The following ACO1 variants were observed in gnomAD, a reference collection of about 807,000 sequenced individuals.
ACO1 encodes aconitase 1.
Under a neutral mutation model 105.1 loss-of-function variants are expected in ACO1, and 78 were observed. That is an observed-to-expected ratio of 0.74 (90% confidence interval 0.62 to 0.90). The LOEUF is 0.90. ACO1 is among the 40% of genes least tolerant of loss of function. ACO1 has a pLI of 0.00. For synonymous variants in ACO1, 364 were observed against 397.4 expected, an observed-to-expected ratio of 0.92 and a Z score of 1.00; for missense variants, 965 against 1,111.1, an observed-to-expected ratio of 0.87 and a Z score of 1.87.
intron 4 of ACO1, among the ~76,000 whole-genome samples, chr9:32,410,593 G>GAA (rs1242218103): frequency 6.6e-6 from 1 of 150,586 alleles, no homozygotes; most frequent in Non-Finnish European, 1.5e-5. Context: ...AGTTAAACTT[G>GAA]AAAAAAAAAG....
chr9:32,450,639 G>GAATC lies in ACO1; in HGVS notation c.*530_*533dup, dbSNP rs1437571771. On this transcript the variant is annotated 3_prime_UTR_variant, in exon 21 of 21. Transcript: ENST00000309951. Reference sequence around the variant, plus strand: ...CTTCTCTCCCCTTTTCCTTCAGAGTGAATCATCCAGACTCCTCATGGATAG... The same window carrying GAATC: ...CTTCTCTCCCCTTTTCCTTCAGAGTGAATCAATCATCCAGACTCCTCATGGATAG... 6.2e-6 allele frequency: 1 copy of GAATC among 161,714 alleles called. No homozygotes were observed. The highest frequency in any genetic ancestry group is 1.8e-4 in the East Asian group (1 of 5,528). The allele number at this position is 161,714 out of a possible 1,614,324, so 10.0% of individuals were successfully genotyped here.
chr9:32,398,471 A>G (rs1288420905), intron 1 of ACO1, among the ~76,000 whole-genome samples: 1 of 152,002 alleles, frequency 6.6e-6, no homozygotes, highest in Non-Finnish European at 1.5e-5. Context: ...TTTAGCATCC[A>G]TCCATATGCT....
intron 3 of ACO1, 106 bp from the exon 4 acceptor site, chr9:32,408,408 T>C (rs541737026): frequency 1.3e-5 from 17 of 1,307,020 alleles, no homozygotes; most frequent in Admixed American, 1.3e-4. Context: ...TTAGCTCCTC[T>C]GATGAGGTAG....
chr9:32,399,652 T>C (rs972836730), intron 1 of ACO1, among the ~76,000 whole-genome samples: 7 of 152,314 alleles, frequency 4.6e-5, no homozygotes, highest in African/African-American at 7.2e-5. Flanking sequence ...AACCTAAGTA[T>C]TTTAATAATA....
At chr9:32,445,506 C>T in intron 19 of ACO1, 3 of 185,358 alleles carry the variant, frequency 1.6e-5, no homozygotes, top group Non-Finnish European at 3.5e-5. Flanking sequence ...TCTCTCTTTC[C>T]TTCTTTATTA....
rs151059716 is a variant in ACO1, at chr9:32,426,792, T to C, written c.1349-509T>C. Among the ~76,000 whole-genome samples, 10 of 152,304 alleles carry C rather than the reference T, an allele frequency of 6.6e-5. No homozygotes were observed. In the East Asian group the frequency reaches 9.7e-4, roughly 15 times the overall value. ...TAAGACAGAGCACCCAGTGTTCCAG[T>C]AGCAGTCTCTGTATCTGCCAAAGTC... On this transcript the variant is annotated intron_variant, in intron 11 of 20. Coordinates refer to ENST00000309951, the MANE Select transcript of ACO1 (RefSeq NM_002197.3).
chr9:32,421,140 C>T (rs1821966361), intron 8 of ACO1, 113 bp downstream of exon 8: 1 of 1,196,918 alleles, frequency 8.4e-7, no homozygotes, highest in Non-Finnish European at 1.2e-6. Flanking sequence ...GTTACAGTTA[C>T]ACAATTATTT....
At chr9:32,412,251 C>T (rs967667948) in intron 4 of ACO1, among the ~76,000 whole-genome samples, 3 of 152,108 alleles carry the variant, frequency 2.0e-5, no homozygotes, top group Non-Finnish European at 2.9e-5. Context: ...TGTAGCTCAA[C>T]GAGCGAGATG....
chr9:32,449,120 G>T, intron 20 of ACO1, 39 bp downstream of exon 20: 1 of 1,539,768 alleles, frequency 6.5e-7, no homozygotes, highest in Non-Finnish European at 8.7e-7. Context: ...CTGTCGAAAG[G>T]GGCCCCCTCG....
At chr9:32,437,469 T>C (rs893216960) in intron 18 of ACO1, among the ~76,000 whole-genome samples, 1 of 152,228 alleles carries the variant, frequency 6.6e-6, no homozygotes, top group African/African-American at 2.4e-5. Flanking sequence ...TAGCAGAGGT[T>C]ACAGAATATT....
At position 32,416,319 on chromosome 9, in the gene ACO1, T is replaced by C. The variant is rs2118450080; in HGVS notation, c.405-1809T>C. ...CATGTTGGCCAGTCTGGTCTTGAAC[T>C]CCTGACCTCGTGATCTGCCCGCCTC... On this transcript the variant is annotated intron_variant, in intron 4 of 20. Coordinates refer to ENST00000309951, the MANE Select transcript of ACO1 (RefSeq NM_002197.3). Among the ~76,000 whole-genome samples, 3 of 152,160 alleles carry C rather than the reference T, an allele frequency of 2.0e-5. No homozygotes were observed. In the Middle Eastern group the frequency reaches 0.01, roughly 518 times the overall value.
chr9:32,418,065 AT>A, intron 4 of ACO1, 62 bp from the exon 5 acceptor site: 1 of 1,481,172 alleles, frequency 6.8e-7, no homozygotes, highest in Non-Finnish European at 9.3e-7. Flanking sequence ...TTCATCACCA[AT>A]AAATTTGACC....
chr9:32,404,877 G>A (rs1821573690), intron 1 of ACO1, among the ~76,000 whole-genome samples: 1 of 152,086 alleles, frequency 6.6e-6, no homozygotes, highest in Non-Finnish European at 1.5e-5. Context: ...GGTGGGGAGG[G>A]GATACTCAGG....
At chr9:32,408,727 A>T in intron 4 of ACO1, 76 bp downstream of exon 4, 1 of 1,468,340 alleles carries the variant, frequency 6.8e-7, no homozygotes, top group Non-Finnish European at 9.1e-7. Flanking sequence ...TAAAATGTGT[A>T]TATGTAGTTA....
At chr9:32,396,893 T>G (rs1821384280) in intron 1 of ACO1, among the ~76,000 whole-genome samples, 1 of 152,152 alleles carries the variant, frequency 6.6e-6, no homozygotes, top group Non-Finnish European at 1.5e-5. Flanking sequence ...ACTTTTTAGA[T>G]CGTTAACCAA....
rs1180017758 is a variant in ACO1 at position 32,439,182 on chromosome 9, C to A, written c.2248-1283C>A. ...CAGTACTTTTTAAAGCACACACTCT[C>A]ACATTGTTAATACCCAAAGCTACAG... On this transcript the variant is annotated intron_variant, in intron 18 of 20. Transcript: ENST00000309951. The surrounding 1 kb of genome is among the most constrained non-coding windows in gnomAD (Gnocchi z 4.0). Among the ~76,000 whole-genome samples, 2 of 152,184 alleles carry A rather than the reference C, an allele frequency of 1.3e-5. No homozygotes were observed. The highest frequency in any genetic ancestry group is 2.9e-5 in the Non-Finnish European group (2 of 68,040).
rs1822178527 is a variant in ACO1, at chr9:32,429,503, G to A, written c.1569G>A (p.Gln523=). 1 of 1,613,716 alleles carries A rather than the reference G, an allele frequency of 6.2e-7. No homozygotes were observed. Among genetic ancestry groups the A allele is most frequent in the Non-Finnish European group, 8.5e-7 (1 of 1,179,748 alleles). The change falls in exon 13 of 21, where the codon CAG becomes CAA. Residue 523 remains glutamine, a splice_region_variant and synonymous_variant. Coordinates refer to ENST00000309951, the MANE Select transcript of ACO1 (RefSeq NM_002197.3). The part of the protein sequence containing the change: ...LPEPVVEAIT[Q]GDLVAVGVLS... Reference sequence around the variant, plus strand: ...AACCTGTGGTAGAAGCCATCACACAGGTAATTGCAGAGGTCCCTGCAGGTC... The same window carrying A: ...AACCTGTGGTAGAAGCCATCACACAAGTAATTGCAGAGGTCCCTGCAGGTC...
intron 1 of ACO1, among the ~76,000 whole-genome samples, chr9:32,401,293 T>C (rs1048056165): frequency 6.6e-6 from 1 of 151,964 alleles, no homozygotes; most frequent in African/African-American, 2.4e-5. Context: ...TACACCTAGG[T>C]AGTACTTTTT....
At chr9:32,436,782 G>A (rs1822371480) in intron 18 of ACO1, among the ~76,000 whole-genome samples, 1 of 152,202 alleles carries the variant, frequency 6.6e-6, no homozygotes, top group African/African-American at 2.4e-5. Flanking sequence ...GGAGTAGAGA[G>A]GTGCTTGGAG....
Sources: allele counts gnomAD v4.1 joint callset (sites outside exome capture counted in the v4.1 genomes callset), GRCh38; gene constraint gnomAD v4.1.1; non-coding constraint Gnocchi (gnomAD v3.1); transcripts MANE v1.5; gene names NCBI Gene and HGNC (gene_info 2026-07-23, HGNC 2026-07-21).